The following AMPD2 variants were observed in gnomAD, a reference collection of about 807,000 sequenced individuals.
AMPD2 encodes AMP deaminase 2.
In AMPD2, 52 loss-of-function variants were observed where a neutral mutation model predicts 91.3. The ratio of observed to expected loss-of-function variants is 0.57; its 90% CI spans 0.46 to 0.72. The LOEUF (loss-of-function observed/expected upper bound fraction) is 0.72. Ranked by LOEUF, AMPD2 falls within the 30% of genes least tolerant of loss-of-function variation. The pLI is 0.00. For missense variants in AMPD2, 822 were observed against 1,122.3 expected (o/e 0.73, Z 3.82); for synonymous variants, 455 against 456.4 (o/e 1.00, Z 0.04).
intron 2 of AMPD2, among the ~76,000 whole-genome samples, chr1:109,621,713 T>G (rs1247865039): frequency 6.6e-6 from 1 of 152,122 alleles, no homozygotes; most frequent in African/African-American, 2.4e-5. Context: ...CACATCTAGA[T>G]CCCCCTCACT....
intron 4 of AMPD2, 45 bp from the exon 5 acceptor site, chr1:109,626,115 C>T (rs1481188359): frequency 6.2e-7 from 1 of 1,606,576 alleles, no homozygotes. Context: ...GGAGCAAGGG[C>T]CGTCCCTCGG....
chr1:109,627,794 G>C lies in AMPD2; in HGVS notation c.971G>C (p.Arg324Pro), dbSNP rs746332433. The change falls in exon 10 of 19, where the codon CGG becomes CCG. Residue 324 changes from arginine (R) to proline (P), a missense_variant. Physicochemically the swap from Arg to Pro is moderately radical, Grantham distance 103. This residue lies in a region of AMPD2 where 37 missense variants were observed against 84.8 expected (regional missense o/e 0.44). Transcript: ENST00000528667. ...CCCAGAAAGTCATTCTGCTACCGCC[G>C]GCTGCAGTACCTGAGCTCCAAGTTC... ...NGPIKSFCYR[R>P]LQYLSSKFQM... 1 of 1,613,948 alleles carries C rather than the reference G, an allele frequency of 6.2e-7. No individual in the cohort carries two copies. The highest frequency in any genetic ancestry group is 8.5e-7 in the Non-Finnish European group (1 of 1,179,970).
chr1:109,629,899 G>T lies in AMPD2; in HGVS notation c.1966G>T (p.Gly656Trp). 6.2e-7 allele frequency: 1 copy of T among 1,609,624 alleles called. No individual in the cohort carries two copies. Among genetic ancestry groups the T allele is most frequent in the Non-Finnish European group, 8.5e-7 (1 of 1,177,280 alleles). Reference sequence around the variant, plus strand: ...CATGCTGGCTGAGAACATTTCCCACGGGCTCCTTCTGCGCAAGGTCAGGAT... The same window carrying T: ...CATGCTGGCTGAGAACATTTCCCACTGGCTCCTTCTGCGCAAGGTCAGGAT... ...AFMLAENISH[G>W]LLLRKAPVLQ... Residue 656 changes from glycine (G) to tryptophan (W), a missense_variant, in exon 16 of 19, where the codon GGG becomes TGG. By Grantham distance (184) the Gly-to-Trp change is radical (BLOSUM62 -2). Around this residue, in one of 5 missense-constraint regions of AMPD2, gnomAD observed 430 missense variants for 606.0 expected, o/e 0.71. Coordinates refer to ENST00000528667, the MANE Select transcript of AMPD2 (RefSeq NM_001368809.2).
chr1:109,623,876 G>C (rs985006752), intron 2 of AMPD2: 1 of 389,582 alleles, frequency 2.6e-6, no homozygotes, highest in Non-Finnish European at 3.5e-6. Context: ...TCTGGAGTTC[G>C]TCTTATCTCC....
At position 109,628,504 on chromosome 1, in the gene AMPD2, G is replaced by A; in HGVS notation, c.1407+9G>A. On this transcript the variant is annotated intron_variant, in intron 12 of 18. Coordinates refer to ENST00000528667, the MANE Select transcript of AMPD2 (RefSeq NM_001368809.2). This position sits in a 1 kb window ranked among gnomAD's most constrained non-coding sequence, Gnocchi z 7.1. ...TTGCTCACATCATCAAGGTAAGGAG[G>A]CAGCCTTCCCTGCCAAGCCTCGAGC... is the stretch of plus-strand genomic sequence containing the variant. The A allele has an allele frequency of 6.2e-7, 1 of 1,612,048 alleles. No homozygotes were observed. Among genetic ancestry groups the A allele is most frequent in the Non-Finnish European group, 8.5e-7 (1 of 1,179,956 alleles).
chr1:109,627,219 C>T lies in AMPD2; in HGVS notation c.763C>T (p.His255Tyr). ...PPALEQHPYEHCEPSTMPGDL... is the reference protein window; with the variant it reads ...PPALEQHPYEYCEPSTMPGDL... ...TGCGCTGGAGCAGCACCCGTATGAG[C>T]ACTGTGAGCCAAGCACCATGCCTGG... The change falls in exon 8 of 19, where the codon CAC becomes TAC. Residue 255 changes from histidine to tyrosine, a missense_variant. Around this residue, in one of 5 missense-constraint regions of AMPD2, gnomAD observed 240 missense variants for 270.3 expected, o/e 0.89. Transcript: ENST00000528667. 2.5e-6 allele frequency: 4 copies of T among 1,613,422 alleles called. No homozygotes were observed. The highest frequency in any genetic ancestry group is 2.5e-6 in the Non-Finnish European group (3 of 1,179,698).
intron 17 of AMPD2, 98 bp from the exon 18 acceptor site, chr1:109,630,585 G>A: frequency 1.2e-6 from 1 of 811,252 alleles, no homozygotes; most frequent in Non-Finnish European, 1.8e-6. Context: ...TGGGGGGATG[G>A]GGGGGCGGGG....
Position 109,630,352 on chromosome 1 carries a change from C to T in AMPD2, c.2103C>T (p.Arg701=), listed in dbSNP as rs371315039. 1.2e-5 allele frequency: 19 copies of T among 1,613,824 alleles called. No homozygotes were observed. Among genetic ancestry groups the T allele is most frequent in the Non-Finnish European group, 1.4e-5 (17 of 1,180,008 alleles). Reference sequence around the variant, plus strand: ...ATCCGCTACCGGAGTACCTGTCCCGCGGCCTCATGGTCTCCCTGTCCACTG... The same window carrying T: ...ATCCGCTACCGGAGTACCTGTCCCGTGGCCTCATGGTCTCCCTGTCCACTG... The part of the protein sequence containing the change: ...HRNPLPEYLS[R]GLMVSLSTDD... The change falls in exon 17 of 19, where the codon CGC becomes CGT. Residue 701 remains arginine (R), a synonymous_variant. Transcript: ENST00000528667.
chr1:109,628,868 C>A lies in AMPD2; in HGVS notation c.1571+62C>A. On this transcript the variant is annotated intron_variant, in intron 13 of 18. Transcript: ENST00000528667. This position sits in a 1 kb window ranked among gnomAD's most constrained non-coding sequence, Gnocchi z 7.1. ...TCATATTCAAGGGGTCAGGGCCTGC[C>A]TCCTGCCCTCCTAGGATGGCTGAGC... is the stretch of plus-strand genomic sequence containing the variant. The A allele has an allele frequency of 6.6e-7, 1 of 1,512,984 alleles. No individual in the cohort carries two copies. The highest frequency in any genetic ancestry group is 1.3e-5 in the South Asian group (1 of 79,546). The allele number at this position is 1,512,984 out of a possible 1,614,324, so 93.7% of individuals were successfully genotyped here.
Position 109,625,802 on chromosome 1 carries a change from G to A in AMPD2, c.353+10G>A, listed in dbSNP as rs1269768577. ...TCAGCCAGGATGTCAAGTGAGCCCG[G>A]CAGGCAGCTGCTTAGTCTCCCTCCA... On this transcript the variant is annotated intron_variant, in intron 4 of 18. Transcript: ENST00000528667. The surrounding 1 kb of genome is among the most constrained non-coding windows in gnomAD (Gnocchi z 4.0). 8 of 1,613,878 alleles carry A rather than the reference G, an allele frequency of 5.0e-6. No homozygotes were observed. Among genetic ancestry groups the A allele is most frequent in the Non-Finnish European group, 5.9e-6 (7 of 1,179,974 alleles).
chr1:109,630,441 T>C, intron 17 of AMPD2, 35 bp downstream of exon 17: 1 of 1,078,204 alleles, frequency 9.3e-7, no homozygotes. Flanking sequence ...CGGGCGGGCG[T>C]CCCAGGACGC....
chr1:109,621,897 A>T (rs1650305596), intron 2 of AMPD2, among the ~76,000 whole-genome samples: 1 of 152,178 alleles, frequency 6.6e-6, no homozygotes, highest in African/African-American at 2.4e-5. Context: ...TGCTGCCCGC[A>T]CTGTGTGTGC....
At chr1:109,626,454 G>A (rs1650695347) in intron 6 of AMPD2, 27 bp downstream of exon 6, 2 of 1,572,628 alleles carry the variant, frequency 1.3e-6, no homozygotes, top group Non-Finnish European at 1.7e-6. Context: ...TGTTGGGTGA[G>A]TCGCCATCAC....
intron 8 of AMPD2, 25 bp downstream of exon 8, chr1:109,627,341 G>A (rs1223906280): frequency 6.2e-7 from 1 of 1,610,852 alleles, no homozygotes; most frequent in Middle Eastern, 1.7e-4. Context: ...GTGCATGTTG[G>A]GGGGATGCAG....
Position 109,626,247 on chromosome 1 carries a change from C to T in AMPD2, c.422+19C>T. 1 of 1,613,988 alleles carries T rather than the reference C, an allele frequency of 6.2e-7. No homozygotes were observed. The highest frequency in any genetic ancestry group is 2.2e-5 in the East Asian group (1 of 44,874). On this transcript the variant is annotated intron_variant, in intron 5 of 18. Coordinates refer to ENST00000528667, the MANE Select transcript of AMPD2 (RefSeq NM_001368809.2). ...ACCTACAGTGAGGAGGGCAGAGGGG[C>T]ACAGGGGATGCGGAGCTGCAGCCTG...
At position 109,620,968 on chromosome 1, in the gene AMPD2, A is replaced by T. The variant is rs1027023921; in HGVS notation, c.-208A>T. On this transcript the variant is annotated 5_prime_UTR_variant, in exon 2 of 19. The change abolishes the stop of an existing upstream ORF in the 5' untranslated region. Coordinates refer to ENST00000528667, the MANE Select transcript of AMPD2 (RefSeq NM_001368809.2). ...GGGACTGAGGAGGCAGGGGAGGGATAAGGGGCAGAGATGGAGGCCCCACTC... is the reference window on the plus strand; with the variant it reads ...GGGACTGAGGAGGCAGGGGAGGGATTAGGGGCAGAGATGGAGGCCCCACTC... The T allele has an allele frequency of 6.5e-7, 1 of 1,536,582 alleles. No homozygotes were observed. Among genetic ancestry groups the T allele is most frequent in the Admixed American group, 2.0e-5 (1 of 50,360 alleles).
rs949874903 is a variant in AMPD2 at position 109,620,374 on chromosome 1, G to A, written c.-263+96G>A. ...GGGTGGGAGTCACAGCACAGCAGCA[G>A]GACCTAGGGAAGGCGGTCAGCTCCT... On this transcript the variant is annotated intron_variant, in intron 1 of 18. Coordinates refer to ENST00000528667, the MANE Select transcript of AMPD2 (RefSeq NM_001368809.2). 16 of 1,556,798 alleles carry A rather than the reference G, an allele frequency of 1.0e-5. No individual in the cohort carries two copies. In the African/African-American group the frequency reaches 2.0e-4, roughly 20 times the overall value.
At position 109,625,452 on chromosome 1, in the gene AMPD2, C is replaced by T. The variant is rs200880116; in HGVS notation, c.222+19C>T. Reference sequence around the variant, plus strand: ...CGCCGAGGTATCACCTGGCACCACCCGCACCCTCACCCCGTGTCTCCATGC... The same window carrying T: ...CGCCGAGGTATCACCTGGCACCACCTGCACCCTCACCCCGTGTCTCCATGC... On this transcript the variant is annotated intron_variant, in intron 3 of 18. Coordinates refer to ENST00000528667, the MANE Select transcript of AMPD2 (RefSeq NM_001368809.2). This position sits in a 1 kb window ranked among gnomAD's most constrained non-coding sequence, Gnocchi z 4.0. 87 of 1,613,772 alleles carry T rather than the reference C, an allele frequency of 5.4e-5. 1 individual carries two copies. Among genetic ancestry groups the T allele is most frequent in the South Asian group, 1.1e-4 (10 of 91,062 alleles).
chr1:109,627,197 G>A lies in AMPD2; in HGVS notation c.741G>A (p.Ala247=), dbSNP rs201449706. The A allele has an allele frequency of 1.8e-5, 29 of 1,613,346 alleles. No homozygotes were observed. The highest frequency in any genetic ancestry group is 1.7e-4 in the Middle Eastern group (1 of 5,808). The part of the protein sequence containing the change: ...VSADAPVHPP[A]LEQHPYEHCE... Reference sequence around the variant, plus strand: ...CAGATGCCCCGGTGCACCCCCCTGCGCTGGAGCAGCACCCGTATGAGCACT... The same window carrying A: ...CAGATGCCCCGGTGCACCCCCCTGCACTGGAGCAGCACCCGTATGAGCACT... Residue 247 remains alanine (A), a synonymous_variant, in exon 8 of 19, where the codon GCG becomes GCA. Coordinates refer to ENST00000528667, the MANE Select transcript of AMPD2 (RefSeq NM_001368809.2).
Sources: allele counts gnomAD v4.1 joint callset (sites outside exome capture counted in the v4.1 genomes callset), GRCh38; gene constraint gnomAD v4.1.1; regional missense constraint gnomAD v4.1.1; non-coding constraint Gnocchi (gnomAD v3.1); transcripts MANE v1.5; gene names NCBI Gene and HGNC (gene_info 2026-07-23, HGNC 2026-07-21).